Variants in RSBN1L observed in about 807,000 individuals in gnomAD.
RSBN1L encodes round spermatid basic protein 1 like.
In RSBN1L, 30 loss-of-function variants were observed where a neutral mutation model predicts 67.7. That is an observed-to-expected ratio of 0.44 (90% confidence interval 0.33 to 0.60). RSBN1L has a LOEUF of 0.60. Ranked by LOEUF, RSBN1L falls within the 20% of genes least tolerant of loss-of-function variation. The probability of loss-of-function intolerance (pLI) is 0.02; values close to 1 mark genes in which losing one functional copy is unlikely to be tolerated. For synonymous variants in RSBN1L, 433 were observed against 387.0 expected, an observed-to-expected ratio of 1.12 and a Z score of -1.39; for missense variants, 992 against 1,031.7, an observed-to-expected ratio of 0.96 and a Z score of 0.53.
At chr7:77,727,615 T>TA (rs888817798) in intron 1 of RSBN1L, among the ~76,000 whole-genome samples, 4 of 151,618 alleles carry the variant, frequency 2.6e-5, no homozygotes, top group African/African-American at 9.8e-5. Flanking sequence ...CTCAGCTAAT[T>TA]AAAAAACAAA....
At chr7:77,713,433 T>C (rs1446617743) in intron 1 of RSBN1L, among the ~76,000 whole-genome samples, 1 of 151,846 alleles carries the variant, frequency 6.6e-6, no homozygotes, top group East Asian at 1.9e-4. Context: ...ATCAGCTCAC[T>C]GCAAGCTCCA....
At chr7:77,699,403 C>T (rs917495021) in intron 1 of RSBN1L, among the ~76,000 whole-genome samples, 3 of 152,158 alleles carry the variant, frequency 2.0e-5, no homozygotes, top group South Asian at 2.1e-4. Flanking sequence ...TTTAAAAAGT[C>T]CTAAGTCAGA....
chr7:77,699,491 T>C (rs1790785306), intron 1 of RSBN1L, among the ~76,000 whole-genome samples: 1 of 152,232 alleles, frequency 6.6e-6, no homozygotes, highest in Non-Finnish European at 1.5e-5. Context: ...AGAAAGGGCC[T>C]AGCAGGGTAT....
At chr7:77,747,099 C>G (rs1282477754) in intron 2 of RSBN1L, among the ~76,000 whole-genome samples, 1 of 152,172 alleles carries the variant, frequency 6.6e-6, no homozygotes, top group African/African-American at 2.4e-5. Context: ...TAGCCCCACT[C>G]TGCAGTACCC....
intron 1 of RSBN1L, among the ~76,000 whole-genome samples, chr7:77,704,845 G>A (rs1196540041): frequency 7.9e-5 from 12 of 152,012 alleles, no homozygotes; most frequent in African/African-American, 2.9e-4. Flanking sequence ...TGTGTCGGGC[G>A]CCTGTTATCC....
chr7:77,742,751 C>T (rs553642176), intron 2 of RSBN1L, among the ~76,000 whole-genome samples: 4 of 152,234 alleles, frequency 2.6e-5, no homozygotes, highest in Non-Finnish European at 4.4e-5. Flanking sequence ...GCAGGAGAAT[C>T]GCTTGAACCC....
At chr7:77,775,568 A>G (rs1397772229) in intron 6 of RSBN1L, among the ~76,000 whole-genome samples, 1 of 151,998 alleles carries the variant, frequency 6.6e-6, no homozygotes, top group Non-Finnish European at 1.5e-5. Context: ...TTTTTAACCC[A>G]TGGGTTATCA....
chr7:77,715,069 T>G (rs552058232), intron 1 of RSBN1L, among the ~76,000 whole-genome samples: 81 of 151,828 alleles, frequency 5.3e-4, no homozygotes, highest in South Asian at 2.1e-3. Flanking sequence ...GTCAGGAGTT[T>G]AAGACCAGCC....
chr7:77,744,569 A>G (rs1791457206), intron 2 of RSBN1L, among the ~76,000 whole-genome samples: 1 of 151,854 alleles, frequency 6.6e-6, no homozygotes, highest in African/African-American at 2.4e-5. Context: ...GGTGCCTGCC[A>G]CCACGCCCGG....
At chr7:77,712,875 A>T (rs1790993936) in intron 1 of RSBN1L, among the ~76,000 whole-genome samples, 1 of 152,164 alleles carries the variant, frequency 6.6e-6, no homozygotes, top group Non-Finnish European at 1.5e-5. Context: ...AAGTTGAATT[A>T]TAGGGGGTAA....
At position 77,780,708 on chromosome 7, in the gene RSBN1L, C is replaced by T. The variant is rs1452486039; in HGVS notation, c.*1540C>T. 1 of 152,184 alleles carries T rather than the reference C, an allele frequency of 6.6e-6. No individual in the cohort carries two copies. Among genetic ancestry groups the T allele is most frequent in the Admixed American group, 6.5e-5 (1 of 15,282 alleles). 9.4% of individuals were successfully genotyped at this position (152,184 alleles called of 1,614,324 possible). A position where few individuals can be genotyped will look rare whatever the true frequency, so the allele number is the denominator to read the frequency against. On this transcript the variant is annotated 3_prime_UTR_variant, in exon 8 of 8. Coordinates refer to ENST00000334955, the MANE Select transcript of RSBN1L (RefSeq NM_198467.3). ...CCTCTTATCTCTCAGGATCTCCTCC[C>T]TACCCTAGCAAGGCAAACAACTTGG...
chr7:77,721,727 C>A (rs971865150), intron 1 of RSBN1L, among the ~76,000 whole-genome samples: 17 of 152,098 alleles, frequency 1.1e-4, no homozygotes, highest in African/African-American at 4.1e-4. Flanking sequence ...GAAGAAAAGG[C>A]TAAAAGAAGG....
At chr7:77,734,912 G>C (rs770732814) in intron 1 of RSBN1L, among the ~76,000 whole-genome samples, 3 of 152,116 alleles carry the variant, frequency 2.0e-5, no homozygotes, top group Non-Finnish European at 4.4e-5. Context: ...CAGAAGTTAA[G>C]TTATATGTGA....
At position 77,778,852 on chromosome 7, in the gene RSBN1L, A is replaced by C. The variant is rs1791953846; in HGVS notation, c.2225A>C (p.Lys742Thr). The C allele has an allele frequency of 1.2e-6, 2 of 1,614,078 alleles. No individual in the cohort carries two copies. The highest frequency in any genetic ancestry group is 1.7e-6 in the Non-Finnish European group (2 of 1,179,958). ...TCCTTGGATTCTGTTTTTTCAGATA[A>C]ACTTCATTCTAAATATGAATTACAG... is the stretch of plus-strand genomic sequence containing the variant. ...KASLDSVFSD[K>T]LHSKYELQQI... Residue 742 changes from lysine to threonine, a missense_variant, in exon 8 of 8, where the codon AAA (lysine) becomes ACA (threonine). Lys to Thr is a moderately conservative substitution (Grantham distance 78). Coordinates refer to ENST00000334955, the MANE Select transcript of RSBN1L (RefSeq NM_198467.3).
At position 77,780,581 on chromosome 7, in the gene RSBN1L, A is replaced by C. The variant is rs1012531361; in HGVS notation, c.*1413A>C. 6.6e-6 allele frequency: 1 copy of C among 152,224 alleles called. No homozygotes were observed. Among genetic ancestry groups the C allele is most frequent in the Non-Finnish European group, 1.5e-5 (1 of 68,038 alleles). The allele number at this position is 152,224 out of a possible 1,614,324, so 9.4% of individuals were successfully genotyped here. A position where few individuals can be genotyped will look rare whatever the true frequency, so the allele number is the denominator to read the frequency against. On this transcript the variant is annotated 3_prime_UTR_variant, in exon 8 of 8. Transcript: ENST00000334955. The stretch of plus-strand genomic sequence containing the variant: ...TAAAATCCTTTTACATTTTTCTTGC[A>C]GAATGGGAGAAAAATATGGCAAATA...
At chr7:77,768,482 A>G in intron 4 of RSBN1L, 179 bp from the exon 5 acceptor site, 2 of 577,086 alleles carry the variant, frequency 3.5e-6, no homozygotes, top group East Asian at 2.9e-5. Context: ...TGTTTGAAAC[A>G]GTTTTTTGAA....
At chr7:77,772,882 G>A (rs527616303) in intron 5 of RSBN1L, among the ~76,000 whole-genome samples, 2 of 152,318 alleles carry the variant, frequency 1.3e-5, no homozygotes, top group Middle Eastern at 3.4e-3. Context: ...TAAAGATTCT[G>A]TGTATAGGGA....
intron 1 of RSBN1L, among the ~76,000 whole-genome samples, chr7:77,702,196 G>A (rs1312856517): frequency 6.7e-6 from 1 of 149,064 alleles, no homozygotes; most frequent in African/African-American, 2.5e-5. Context: ...TCCAACTCCT[G>A]ACCTCATGAT....
At chr7:77,765,465 T>C (rs1273687893) in intron 3 of RSBN1L, 30 bp from the exon 4 acceptor site, 15 of 1,495,732 alleles carry the variant, frequency 1.0e-5, no homozygotes, top group Non-Finnish European at 1.4e-5. Context: ...AGAACGTATT[T>C]AACTTTTAAT....
Sources: allele counts gnomAD v4.1 joint callset (sites outside exome capture counted in the v4.1 genomes callset), GRCh38; gene constraint gnomAD v4.1.1; transcripts MANE v1.5; gene names NCBI Gene and HGNC (gene_info 2026-07-23, HGNC 2026-07-21).